The following MAP1B variants were observed in gnomAD, a reference collection of about 807,000 sequenced individuals.
MAP1B encodes microtubule associated protein 1B.
A neutral mutation model predicts 176.1 loss-of-function variants in MAP1B; 12 were observed. That is an observed-to-expected ratio of 0.07 (90% CI 0.04 to 0.11). The LOEUF is 0.11. Ranked by LOEUF, MAP1B falls within the 10% of genes least tolerant of loss-of-function variation. The pLI is 1.00. For synonymous variants in MAP1B, 1,044 were observed against 1,135.0 expected, an observed-to-expected ratio of 0.92 and a Z score of 1.61; for missense variants, 2,523 against 2,990.5, an observed-to-expected ratio of 0.84 and a Z score of 3.65.
At chr5:72,173,869 T>C (rs954928969) in intron 2 of MAP1B, among the ~76,000 whole-genome samples, 2 of 152,342 alleles carry the variant, frequency 1.3e-5, no homozygotes, top group Non-Finnish European at 1.5e-5. Context: ...TGGCTCAAGC[T>C]GTAATCACAG....
In MAP1B at chr5:72,199,060, G is replaced by A. The variant is rs748904590; in HGVS notation, c.5705G>A (p.Gly1902Asp). 1 of 1,614,130 alleles carries A rather than the reference G, an allele frequency of 6.2e-7. No homozygotes were observed. Among genetic ancestry groups the A allele is most frequent in the Non-Finnish European group, 8.5e-7 (1 of 1,180,016 alleles). ...AAGACCACCCGGACCTCAGATGTGG[G>A]TGGCTATTACTATGAGAAGATAGAG... Reference protein sequence around the residue: ...YEKTTRTSDVGGYYYEKIERT... With the variant: ...YEKTTRTSDVDGYYYEKIERT... The change falls in exon 5 of 7, where the codon GGT (glycine) becomes GAT (aspartate). Residue 1902 changes from glycine to aspartate, a missense_variant. Physicochemically the swap from Gly to Asp is moderately conservative, Grantham distance 94. Around this residue, in one of 4 missense-constraint regions of MAP1B, gnomAD observed 1,925 missense variants for 2,126.0 expected, o/e 0.91. Transcript: ENST00000296755. This position sits in a 1 kb window ranked among gnomAD's most constrained non-coding sequence, Gnocchi z 4.2.
chr5:72,156,331 G>T (rs1198625764), intron 2 of MAP1B, among the ~76,000 whole-genome samples: 1 of 152,156 alleles, frequency 6.6e-6, no homozygotes, highest in Non-Finnish European at 1.5e-5. Flanking sequence ...AAACATTAAA[G>T]GTAGCAGCAA....
chr5:72,122,912 G>C (rs1232710154), intron 2 of MAP1B, among the ~76,000 whole-genome samples: 2 of 152,162 alleles, frequency 1.3e-5, no homozygotes, highest in Admixed American at 6.5e-5. Flanking sequence ...CATCTCCAGA[G>C]ACCAAAGAGA....
chr5:72,186,547 C>A lies in MAP1B; in HGVS notation c.370-67C>A. 1 of 1,583,224 alleles carries A rather than the reference C, an allele frequency of 6.3e-7. No individual in the cohort carries two copies. The highest frequency in any genetic ancestry group is 1.1e-5 in the South Asian group (1 of 88,952). On this transcript the variant is annotated intron_variant, in intron 3 of 6. Transcript: ENST00000296755. The surrounding 1 kb of genome is among the most constrained non-coding windows in gnomAD (Gnocchi z 4.3). ...AACTCCCATGGCTCCGAAGGCTAGCCCTGTCCTGAAGGTGGGATGGCAGCA... is the reference window on the plus strand; with the variant it reads ...AACTCCCATGGCTCCGAAGGCTAGCACTGTCCTGAAGGTGGGATGGCAGCA...
At position 72,194,277 on chromosome 5, in the gene MAP1B, C is replaced by G. The variant is rs1158911446; in HGVS notation, c.922C>G (p.Leu308Val). ...ACACTTAGACCGAGTGGACTCCATC[C>G]TGCTCACCCACATTGGGGATGACAA... ...IRHLDRVDSI[L>V]LTHIGDDNLP... Residue 308 changes from leucine (L) to valine (V), a missense_variant, in exon 5 of 7, where the codon CTG becomes GTG. Around this residue, in one of 4 missense-constraint regions of MAP1B, gnomAD observed 307 missense variants for 438.4 expected, o/e 0.70. Transcript: ENST00000296755. This position sits in a 1 kb window ranked among gnomAD's most constrained non-coding sequence, Gnocchi z 7.2. The G allele has an allele frequency of 2.5e-6, 4 of 1,614,104 alleles. No individual in the cohort carries two copies. Among genetic ancestry groups the G allele is most frequent in the Non-Finnish European group, 3.4e-6 (4 of 1,180,048 alleles).
At chr5:72,203,972 AG>A (rs1561320017) in intron 6 of MAP1B, among the ~76,000 whole-genome samples, 171 bp downstream of exon 6, 1 of 152,210 alleles carries the variant, frequency 6.6e-6, no homozygotes, top group African/African-American at 2.4e-5. Flanking sequence ...TTTAACACAC[AG>A]TAGGTAGTCT....
intron 5 of MAP1B, among the ~76,000 whole-genome samples, chr5:72,203,269 A>G (rs946207735): frequency 1.3e-5 from 2 of 152,254 alleles, no homozygotes; most frequent in Non-Finnish European, 2.9e-5. Flanking sequence ...ATCTTGGGAA[A>G]GGCCTTCAAA....
intron 2 of MAP1B, among the ~76,000 whole-genome samples, chr5:72,174,870 T>TC (rs1247836077): frequency 7.6e-6 from 1 of 131,500 alleles, no homozygotes; most frequent in Non-Finnish European, 1.6e-5. Context: ...GAACTCTGCT[T>TC]CCTTTCTTCC....
intron 2 of MAP1B, among the ~76,000 whole-genome samples, chr5:72,127,582 T>C (rs1482115668): frequency 6.6e-6 from 1 of 152,120 alleles, no homozygotes; most frequent in African/African-American, 2.4e-5. Flanking sequence ...ATTTTGCACA[T>C]GTATCCCAGA....
At position 72,205,036 on chromosome 5, in the gene MAP1B, T is replaced by C. The variant is rs746856121; in HGVS notation, c.7252-48T>C. 1.3e-5 allele frequency: 20 copies of C among 1,524,438 alleles called. No homozygotes were observed. The African/African-American group carries it at 2.6e-4, about 20-fold the overall frequency. The allele number at this position is 1,524,438 out of a possible 1,614,324, so 94.4% of individuals were successfully genotyped here. On this transcript the variant is annotated intron_variant, in intron 6 of 6. Coordinates refer to ENST00000296755, the MANE Select transcript of MAP1B (RefSeq NM_005909.5). ...TTGCTATTCAATTTTTTTCATATGG[T>C]TTCTGTTTCTGCCCTTAAATAGCTA...
At chr5:72,145,770 G>T (rs915440127) in intron 2 of MAP1B, among the ~76,000 whole-genome samples, 1 of 152,156 alleles carries the variant, frequency 6.6e-6, no homozygotes, top group Admixed American at 6.5e-5. Flanking sequence ...TATGCCCAGC[G>T]GTCACTTGGA....
Position 72,200,349 on chromosome 5 carries a change from G to A in MAP1B, c.6994G>A (p.Ala2332Thr). 5.0e-6 allele frequency: 8 copies of A among 1,612,994 alleles called. No homozygotes were observed. Among genetic ancestry groups the A allele is most frequent in the Non-Finnish European group, 6.8e-6 (8 of 1,179,220 alleles). ...NAANASASKS[A>T]KTATAGPGTT... ...TGCCAATGCCTCTGCATCCAAGTCG[G>A]CCAAGACCGCCACTGCAGGTAGGTT... is the stretch of plus-strand genomic sequence containing the variant. The change falls in exon 5 of 7, where the codon GCC becomes ACC. Residue 2332 changes from alanine (A) to threonine (T), a missense_variant. This residue lies in a region of MAP1B where 287 missense variants were observed against 401.5 expected (regional missense o/e 0.71). Transcript: ENST00000296755.
Position 72,153,661 on chromosome 5 carries a change from TGTCAGATTTA to T in MAP1B, c.287-30078_287-30069del, listed in dbSNP as rs1746182558. Among the ~76,000 whole-genome samples, 4 of 152,094 alleles carry T rather than the reference TGTCAGATTTA, an allele frequency of 2.6e-5. No homozygotes were observed. The South Asian group carries it at 8.3e-4, about 32-fold the overall frequency. On this transcript the variant is annotated intron_variant, in intron 2 of 6. Transcript: ENST00000296755. The stretch of plus-strand genomic sequence containing the variant: ...TCTTAAGAATACAAACCCTTGAACA[TGTCAGATTTA>T]GTCTACTTTCCCTTCTTGATTCTCT...
In MAP1B at chr5:72,195,316, A is replaced by G; in HGVS notation, c.1961A>G (p.Glu654Gly). 6.2e-7 allele frequency: 1 copy of G among 1,609,674 alleles called. No homozygotes were observed. Among genetic ancestry groups the G allele is most frequent in the Non-Finnish European group, 8.5e-7 (1 of 1,178,542 alleles). Residue 654 changes from glutamate to glycine, a missense_variant, in exon 5 of 7, where the codon GAA (glutamate) becomes GGA (glycine). By Grantham distance (98) the Glu-to-Gly change is moderately conservative (BLOSUM62 -2). Transcript: ENST00000296755. ...VKPEDKKEEKEKPKKEVAKKE... is the reference protein window; with the variant it reads ...VKPEDKKEEKGKPKKEVAKKE... ...CCTGAAGACAAGAAAGAGGAGAAAGAAAAGCCAAAGAAAGAAGTGGCTAAA... is the reference window on the plus strand; with the variant it reads ...CCTGAAGACAAGAAAGAGGAGAAAGGAAAGCCAAAGAAAGAAGTGGCTAAA...
At chr5:72,178,724 G>GT in intron 2 of MAP1B, among the ~76,000 whole-genome samples, 1 of 135,572 alleles carries the variant, frequency 7.4e-6, no homozygotes, top group African/African-American at 2.9e-5. Context: ...AGCCTCTGAG[G>GT]GGTGTGTGTG....
Position 72,164,665 on chromosome 5 carries a change from C to A in MAP1B, c.287-19078C>A, listed in dbSNP as rs118073298. ...GGTAACCAGGGAACCAGCGCAGTTGCCTTCAGTAATTAACTAAGACATCCA... is the reference window on the plus strand; with the variant it reads ...GGTAACCAGGGAACCAGCGCAGTTGACTTCAGTAATTAACTAAGACATCCA... On this transcript the variant is annotated intron_variant, in intron 2 of 6. Transcript: ENST00000296755. 1.6e-3 allele frequency among the ~76,000 whole-genome samples: 236 copies of A among 152,190 alleles called. 3 individuals are homozygous for A. In the East Asian group the frequency reaches 0.036, roughly 23 times the overall value.
chr5:72,114,642 TC>T (rs1745401581), intron 1 of MAP1B, among the ~76,000 whole-genome samples: 1 of 152,186 alleles, frequency 6.6e-6, no homozygotes, highest in Non-Finnish European at 1.5e-5. Flanking sequence ...ACACCAGAGT[TC>T]TGGGGTTCCC....
At position 72,178,193 on chromosome 5, in the gene MAP1B, G is replaced by A. The variant is rs547123357; in HGVS notation, c.287-5550G>A. Among the ~76,000 whole-genome samples, 4 of 152,194 alleles carry A rather than the reference G, an allele frequency of 2.6e-5. No homozygotes were observed. The South Asian group carries it at 6.2e-4, about 24-fold the overall frequency. ...AATTTTTGTGTTTTTAGTAGAGACAGCGTTTCACCATGTTGGCCAGGCTGG... is the reference window on the plus strand; with the variant it reads ...AATTTTTGTGTTTTTAGTAGAGACAACGTTTCACCATGTTGGCCAGGCTGG... On this transcript the variant is annotated intron_variant, in intron 2 of 6. Coordinates refer to ENST00000296755, the MANE Select transcript of MAP1B (RefSeq NM_005909.5).
At chr5:72,166,010 C>A (rs977267499) in intron 2 of MAP1B, among the ~76,000 whole-genome samples, 1 of 152,156 alleles carries the variant, frequency 6.6e-6, no homozygotes, top group African/African-American at 2.4e-5. Context: ...TTATTATTAT[C>A]CCCATTTAAT....
Sources: allele counts gnomAD v4.1 joint callset (sites outside exome capture counted in the v4.1 genomes callset), GRCh38; gene constraint gnomAD v4.1.1; regional missense constraint gnomAD v4.1.1; non-coding constraint Gnocchi (gnomAD v3.1); transcripts MANE v1.5; gene names NCBI Gene and HGNC (gene_info 2026-07-23, HGNC 2026-07-21).